The following PELP1 variants were observed in gnomAD, a reference collection of about 807,000 sequenced individuals.
The protein encoded by PELP1 is proline-, glutamic acid- and leucine-rich protein 1.
In PELP1, 32 loss-of-function variants were observed where a neutral mutation model predicts 95.5. The ratio of observed to expected loss-of-function variants is 0.34; its 90% CI spans 0.25 to 0.45. The LOEUF (loss-of-function observed/expected upper bound fraction) is 0.45, where lower values mean the gene tolerates loss of function less well. Ranked by LOEUF, PELP1 falls within the 20% of genes least tolerant of loss-of-function variation. The pLI is 1.00. For missense variants in PELP1, 1,358 were observed against 1,444.8 expected (o/e 0.94, Z 0.97); for synonymous variants, 668 against 600.1 (o/e 1.11, Z -1.65).
intron 1 of PELP1, among the ~76,000 whole-genome samples, chr17:4,693,186 G>A (rs1223668578): frequency 1.3e-5 from 2 of 152,114 alleles, no homozygotes; most frequent in Non-Finnish European, 2.9e-5. Context: ...TCCACCCTAC[G>A]TATATACCCA....
chr17:4,677,918 AAAAG>A (rs2150555566), intron 5 of PELP1, among the ~76,000 whole-genome samples: 1 of 150,130 alleles, frequency 6.7e-6, no homozygotes, highest in Non-Finnish European at 1.5e-5. Flanking sequence ...CCCTGTCTCA[AAAAG>A]AAAAAAAAAA....
chr17:4,678,849 G>GT (rs2150556012), intron 5 of PELP1, among the ~76,000 whole-genome samples: 1 of 152,278 alleles, frequency 6.6e-6, no homozygotes, highest in East Asian at 1.9e-4. Context: ...TCCGGGGAAT[G>GT]TAACAGAAAA....
chr17:4,680,745 G>A (rs1912654440), intron 5 of PELP1, among the ~76,000 whole-genome samples: 2 of 152,152 alleles, frequency 1.3e-5, no homozygotes, highest in South Asian at 4.1e-4. Context: ...GTGTCCGATC[G>A]TTTGTCAAAC....
rs763098718 is a variant in PELP1, at chr17:4,674,597, G to A, written c.1495C>T (p.Leu499=). Residue 499 remains leucine, a synonymous_variant, in exon 13 of 17, where the codon CTG becomes TTG. Coordinates refer to ENST00000572293, the MANE Select transcript of PELP1 (RefSeq NM_014389.3). ...GKPSAPKKLK[L]DVGEAMAPPS... ...GGGGCCATAGCTTCCCCCACATCCA[G>A]CTTTAGCTTCTTGGGGGCGCTAGGC... 5.0e-6 allele frequency: 8 copies of A among 1,609,556 alleles called. No homozygotes were observed. In the Admixed American group the frequency reaches 1.0e-4, roughly 21 times the overall value.
chr17:4,673,427 G>C lies in PELP1; in HGVS notation c.1668C>G (p.Val556=). 6.3e-7 allele frequency: 1 copy of C among 1,594,158 alleles called. No individual in the cohort carries two copies. The highest frequency in any genetic ancestry group is 8.5e-7 in the Non-Finnish European group (1 of 1,170,832). The stretch of plus-strand genomic sequence containing the variant: ...GGACCTCACCCTGCTGTACACCCAT[G>C]ACCAGGGGGAGGACCAGGTCATGCA... ...RRLHDLVLPL[V]MGVQQGEVLG... is the part of the protein sequence containing the mutation. The change falls in exon 15 of 17, where the codon GTC becomes GTG. Residue 556 remains valine (V), a synonymous_variant. Transcript: ENST00000572293. This position sits in a 1 kb window ranked among gnomAD's most constrained non-coding sequence, Gnocchi z 5.7.
intron 5 of PELP1, among the ~76,000 whole-genome samples, chr17:4,678,714 G>A (rs1912588222): frequency 6.6e-6 from 1 of 152,176 alleles, no homozygotes; most frequent in Non-Finnish European, 1.5e-5. Context: ...GCTCATCAAT[G>A]TGGCAAGGAC....
chr17:4,687,594 A>G (rs1280266378), intron 3 of PELP1, among the ~76,000 whole-genome samples: 1 of 152,188 alleles, frequency 6.6e-6, no homozygotes, highest in East Asian at 1.9e-4. Flanking sequence ...CCACAAACTA[A>G]GAATGGCTTT....
Position 4,675,179 on chromosome 17 carries a change from A to G in PELP1, c.1174T>C (p.Leu392=). The G allele has an allele frequency of 6.2e-7, 1 of 1,613,822 alleles. No homozygotes were observed. Among genetic ancestry groups the G allele is most frequent in the Non-Finnish European group, 8.5e-7 (1 of 1,179,830 alleles). ...ALILACGSRL[L]RFGILIGRLL... is the part of the protein sequence containing the mutation. The stretch of plus-strand genomic sequence containing the variant: ...CGGCCGATCAGGATCCCAAAGCGCA[A>G]GAGCCGGCTTCCACACCTGGGGCAG... Residue 392 remains leucine, a synonymous_variant, in exon 11 of 17, where the codon TTG becomes CTG. Coordinates refer to ENST00000572293, the MANE Select transcript of PELP1 (RefSeq NM_014389.3). This position sits in a 1 kb window ranked among gnomAD's most constrained non-coding sequence, Gnocchi z 4.3.
rs1159406289 is a variant in PELP1, at chr17:4,673,710, CCAACA to C, written c.1583-41_1583-37del. On this transcript the variant is annotated intron_variant, in intron 13 of 16. Transcript: ENST00000572293. The surrounding 1 kb of genome is among the most constrained non-coding windows in gnomAD (Gnocchi z 5.7). ...AGAATGGTGTGTAAAGGGTAGGCTC[CCAACA>C]GACTGACGGCAAGGGCTTCTGAAGC... is the stretch of plus-strand genomic sequence containing the variant. The C allele has an allele frequency of 1.9e-6, 3 of 1,589,118 alleles. No homozygotes were observed. The highest frequency in any genetic ancestry group is 2.2e-5 in the South Asian group (2 of 90,640).
In PELP1 at chr17:4,672,558, T is replaced by C. The variant is rs764334048; in HGVS notation, c.2433A>G (p.Ile811Met). The C allele has an allele frequency of 8.0e-6, 12 of 1,508,006 alleles. No individual in the cohort carries two copies. The highest frequency in any genetic ancestry group is 1.1e-5 in the Non-Finnish European group (12 of 1,129,590). 93.4% of individuals were successfully genotyped at this position (1,508,006 alleles called of 1,614,324 possible). A position where few individuals can be genotyped will look rare whatever the true frequency, so the allele number is the denominator to read the frequency against. Residue 811 changes from isoleucine to methionine, a missense_variant, in exon 16 of 17, where the codon ATA (isoleucine) becomes ATG (methionine). By Grantham distance (10) the Ile-to-Met change is conservative. Transcript: ENST00000572293. ...AGGCTGTTGGTGGCCCAGTGGGGGC[T>C]ATAGGGGGTGGTGTGGCACCTGAGG... ...PPPSGATPPP[I>M]APTGPPTASP...
At chr17:4,682,986 C>A (rs1912749043) in intron 3 of PELP1, 34 bp from the exon 4 acceptor site, 2 of 1,439,994 alleles carry the variant, frequency 1.4e-6, no homozygotes, top group South Asian at 3.2e-5. Context: ...TGCTTCCAGC[C>A]TCACCTTGAT....
rs1912281440 is a variant in PELP1, at chr17:4,672,792, G to A, written c.2199C>T (p.Gly733=). The change falls in exon 16 of 17, where the codon GGC becomes GGT. Residue 733 remains glycine (G), a synonymous_variant. Coordinates refer to ENST00000572293, the MANE Select transcript of PELP1 (RefSeq NM_014389.3). ...LLPGPENHRA[G]SNEDPILAPS... is the part of the protein sequence containing the mutation. ...GGGCAAGGATGGGGTCCTCATTTGA[G>A]CCTGCCCGGTGGTTCTCAGGGCCAG... 1 of 1,613,788 alleles carries A rather than the reference G, an allele frequency of 6.2e-7. No individual in the cohort carries two copies. The highest frequency in any genetic ancestry group is 8.5e-7 in the Non-Finnish European group (1 of 1,179,772).
At chr17:4,690,539 T>A (rs558967978) in intron 3 of PELP1, among the ~76,000 whole-genome samples, 1 of 151,986 alleles carries the variant, frequency 6.6e-6, no homozygotes, top group Non-Finnish European at 1.5e-5. Context: ...CTGGCCAACA[T>A]GTTAAAACCT....
chr17:4,691,103 C>T, intron 2 of PELP1, 110 bp from the exon 3 acceptor site: 1 of 786,388 alleles, frequency 1.3e-6, no homozygotes, highest in South Asian at 1.6e-5. Flanking sequence ...CCCAGATCCA[C>T]TGTGGTTTCC....
intron 5 of PELP1, 100 bp downstream of exon 5, chr17:4,682,402 G>C (rs1467781546): frequency 1.3e-6 from 1 of 797,320 alleles, no homozygotes; most frequent in East Asian, 2.5e-5. Context: ...AACTTTAAAG[G>C]ATAATCAGAA....
At chr17:4,696,734 T>C (rs1913313326) in intron 1 of PELP1, 1 of 152,138 alleles carries the variant, frequency 6.6e-6, no homozygotes, top group Non-Finnish European at 1.5e-5. Context: ...ACTGTGGCGA[T>C]ACAAAGCAGT....
chr17:4,699,897 A>AT (rs34806511), intron 1 of PELP1, among the ~76,000 whole-genome samples: 17,265 of 85,958 alleles, frequency 0.2, 2,651 homozygotes, highest in Middle Eastern at 0.29. Flanking sequence ...CTAGAGGGTG[A>AT]TTTTTTTTTT....
chr17:4,676,243 T>C, intron 7 of PELP1, 81 bp from the exon 8 acceptor site: 1 of 1,587,862 alleles, frequency 6.3e-7, no homozygotes, highest in Non-Finnish European at 8.6e-7. Context: ...CCTGCCTGTA[T>C]TCTAACCCAT....
At chr17:4,696,771 G>C (rs533731596) in intron 1 of PELP1, 2 of 152,290 alleles carry the variant, frequency 1.3e-5, no homozygotes, top group Admixed American at 1.3e-4. Flanking sequence ...TGTGAAGGTA[G>C]AGCCAACGGG....
Sources: gnomAD v4.1 joint callset for allele counts (sites outside exome capture counted in the v4.1 genomes callset) on GRCh38, gnomAD v4.1.1 for gene constraint, Gnocchi (gnomAD v3.1) non-coding constraint, MANE v1.5 for transcripts, NCBI Gene and HGNC (gene_info 2026-07-23, HGNC 2026-07-21) for gene names.